HPSE2: variants seen among roughly 807,000 people sequenced by gnomAD.
The protein encoded by HPSE2 is inactive heparanase-2.
Under a neutral mutation model 60.5 loss-of-function variants are expected in HPSE2, and 38 were observed. The ratio of observed to expected loss-of-function variants is 0.63; its 90% CI spans 0.48 to 0.82. The LOEUF (loss-of-function observed/expected upper bound fraction) is 0.82, where lower values mean the gene tolerates loss of function less well. Ranked by LOEUF, HPSE2 falls within the 40% of genes least tolerant of loss-of-function variation. HPSE2 has a pLI of 0.00. For synonymous variants in HPSE2, 295 were observed against 293.2 expected (o/e 1.01, Z -0.06); for missense variants, 713 against 740.4 (o/e 0.96, Z 0.43).
rs141996413 is a variant in HPSE2, at chr10:98,685,878, T to C, written c.1004+8022A>G. On this transcript the variant is annotated intron_variant, in intron 6 of 11. Coordinates refer to ENST00000370552, the MANE Select transcript of HPSE2 (RefSeq NM_021828.5). ...AGGATTTTAAGAATTTTAAATCTTATATCACTTTTGTAAGTTGTATTTTTC... is the reference window on the plus strand; with the variant it reads ...AGGATTTTAAGAATTTTAAATCTTACATCACTTTTGTAAGTTGTATTTTTC... 1.4e-3 allele frequency among the ~76,000 whole-genome samples: 214 copies of C among 152,348 alleles called. 3 individuals carry two copies. The highest frequency in any genetic ancestry group is 4.9e-3 in the African/African-American group (204 of 41,582).
chr10:99,241,543 G>T, the HPSE2 span, among the ~76,000 whole-genome samples: 1 of 152,152 alleles, frequency 6.6e-6, no homozygotes, highest in Non-Finnish European at 1.5e-5. Context: ...GATTGCTCGA[G>T]CCCAGGAGTT....
At chr10:99,008,507 G>A (rs569890280) in intron 3 of HPSE2, among the ~76,000 whole-genome samples, 108 of 152,304 alleles carry the variant, frequency 7.1e-4, no homozygotes, top group Non-Finnish European at 1.2e-3. Flanking sequence ...AAGATTGACA[G>A]GTAAACTCCA....
At chr10:99,288,652 G>A in the HPSE2 span, among the ~76,000 whole-genome samples, 1 of 150,366 alleles carries the variant, frequency 6.7e-6, no homozygotes, top group East Asian at 2.0e-4. Context: ...TGGTGAAGGG[G>A]GACACTGGGA....
chr10:99,203,657 C>T (rs1347929304), intron 2 of HPSE2, among the ~76,000 whole-genome samples: 1 of 152,074 alleles, frequency 6.6e-6, no homozygotes, highest in Non-Finnish European at 1.5e-5. Flanking sequence ...GCCCAGGTTC[C>T]AGACCCAAGA....
At chr10:98,992,655 T>C (rs1338861401) in intron 3 of HPSE2, among the ~76,000 whole-genome samples, 1 of 152,154 alleles carries the variant, frequency 6.6e-6, no homozygotes, top group Non-Finnish European at 1.5e-5. Context: ...TGCAAGAAAT[T>C]ATATACAAAA....
chr10:98,742,774 T>TAC (rs1156282610), intron 4 of HPSE2, among the ~76,000 whole-genome samples: 48 of 103,034 alleles, frequency 4.7e-4, no homozygotes, highest in Admixed American at 1.5e-3. Flanking sequence ...ATGTTACACA[T>TAC]ACACACACAC....
chr10:98,971,773 T>C (rs1231559352), intron 3 of HPSE2, among the ~76,000 whole-genome samples: 1 of 152,170 alleles, frequency 6.6e-6, no homozygotes, highest in African/African-American at 2.4e-5. Context: ...TGGCCCTTTA[T>C]AGACCCACAT....
At chr10:98,863,689 T>C (rs951509534) in intron 3 of HPSE2, among the ~76,000 whole-genome samples, 1 of 152,190 alleles carries the variant, frequency 6.6e-6, no homozygotes, top group African/African-American at 2.4e-5. Flanking sequence ...CTTCAATGAC[T>C]GGCCTAAAAC....
the HPSE2 span, among the ~76,000 whole-genome samples, chr10:99,278,663 T>C: frequency 6.6e-6 from 1 of 152,218 alleles, no homozygotes; most frequent in Non-Finnish European, 1.5e-5. Context: ...GCAACTAGCA[T>C]TCATGGCCAC....
intron 9 of HPSE2, among the ~76,000 whole-genome samples, chr10:98,554,634 T>C (rs1369033845): frequency 1.3e-5 from 2 of 152,234 alleles, no homozygotes; most frequent in African/African-American, 4.8e-5. Flanking sequence ...TTTACAATGA[T>C]GCAAGTATTA....
intron 3 of HPSE2, among the ~76,000 whole-genome samples, chr10:98,870,945 T>TAAA (rs11423592): frequency 7.3e-4 from 104 of 142,152 alleles, no homozygotes; most frequent in African/African-American, 2.5e-3. Flanking sequence ...TTTAAATTAT[T>TAAA]AAAAAAAAAA....
At chr10:98,722,647 C>G (rs185426969) in intron 4 of HPSE2, among the ~76,000 whole-genome samples, 5 of 152,198 alleles carry the variant, frequency 3.3e-5, no homozygotes, top group Admixed American at 3.3e-4. Context: ...TAATTTTGAG[C>G]AAAGCCTCCT....
At chr10:98,960,701 CTTT>C in intron 3 of HPSE2, among the ~76,000 whole-genome samples, 9 of 57,560 alleles carry the variant, frequency 1.6e-4, no homozygotes, top group African/African-American at 2.5e-4. Flanking sequence ...ATGTACATTT[CTTT>C]TTTTTTTTTT....
chr10:98,756,937 C>T (rs1949892289), intron 3 of HPSE2, among the ~76,000 whole-genome samples: 3 of 152,152 alleles, frequency 2.0e-5, no homozygotes, highest in African/African-American at 7.2e-5. Flanking sequence ...CAACAAAATA[C>T]TAGCAAACTA....
intron 3 of HPSE2, among the ~76,000 whole-genome samples, chr10:98,889,679 T>C (rs1376172353): frequency 6.6e-6 from 1 of 152,238 alleles, no homozygotes; most frequent in East Asian, 1.9e-4. Flanking sequence ...GGGCCCTGGG[T>C]TGATATTGGA....
chr10:99,235,886 C>A (rs1849826169), upstream of HPSE2: 7 of 1,210,436 alleles, frequency 5.8e-6, no homozygotes, highest in Middle Eastern at 2.7e-4. Flanking sequence ...GTCTGTCCGC[C>A]TTTTTCCCCC....
chr10:99,235,644 T>C lies in HPSE2; in HGVS notation c.159A>G (p.Ala53=). The C allele has an allele frequency of 2.5e-6, 4 of 1,613,990 alleles. No individual in the cohort carries two copies. Among genetic ancestry groups the C allele is most frequent in the Non-Finnish European group, 2.5e-6 (3 of 1,180,006 alleles). Residue 53 remains alanine (A), a synonymous_variant, in exon 1 of 12, where the codon GCA becomes GCG. Transcript: ENST00000370552. ...GAATCAGGGTCTTTTCCTTCAAACC[T>C]GCAGCTCTGTCTACAGGCAAGGGTC... The part of the protein sequence containing the change: ...DRRPLPVDRA[A]GLKEKTLILL...
intron 3 of HPSE2, among the ~76,000 whole-genome samples, chr10:98,878,725 C>T (rs1029765901): frequency 1.7e-4 from 26 of 151,880 alleles, no homozygotes; most frequent in Admixed American, 6.6e-4. Context: ...AATGGGAAGC[C>T]ACTGATGTTT....
In HPSE2 at chr10:98,967,121, C is replaced by T. The variant is rs112343338; in HGVS notation, c.610+177117G>A. Among the ~76,000 whole-genome samples the T allele has an allele frequency of 5.1e-3, 769 of 152,104 alleles. 4 individuals are homozygous for T. The highest frequency in any genetic ancestry group is 8.4e-3 in the Non-Finnish European group (571 of 67,966). ...GGGTAGACTCCAAACGGTTTTTTTC[C>T]GAGCATTTAGCTGGCAGTTGCCATG... On this transcript the variant is annotated intron_variant, in intron 3 of 11. Transcript: ENST00000370552.
Sources: gnomAD v4.1 joint callset for allele counts (sites outside exome capture counted in the v4.1 genomes callset) on GRCh38, gnomAD v4.1.1 for gene constraint, MANE v1.5 for transcripts, NCBI Gene and HGNC (gene_info 2026-07-23, HGNC 2026-07-21) for gene names.